SLC39A11: variants seen among roughly 807,000 people sequenced by gnomAD.
The protein encoded by SLC39A11 is solute carrier family 39 member 11.
In SLC39A11, 33 loss-of-function variants were observed where a neutral mutation model predicts 36.1. The observed-to-expected ratio is 0.91, with a 90% CI of 0.69 to 1.22. The LOEUF (loss-of-function observed/expected upper bound fraction) is 1.22. SLC39A11 is among the 50% of genes most tolerant of loss of function. The pLI is 0.00. For synonymous variants in SLC39A11, 166 were observed against 170.3 expected (o/e 0.97, Z 0.20); for missense variants, 432 against 430.3 (o/e 1.00, Z -0.03).
At chr17:72,745,024 T>G (rs1020620740) in intron 6 of SLC39A11, among the ~76,000 whole-genome samples, 15 of 152,184 alleles carry the variant, frequency 9.9e-5, no homozygotes, top group African/African-American at 3.4e-4. Context: ...GTATTTCTAG[T>G]AGAGATGGGG....
chr17:72,767,948 G>A (rs1225580345), intron 6 of SLC39A11, among the ~76,000 whole-genome samples: 3 of 148,978 alleles, frequency 2.0e-5, no homozygotes, highest in African/African-American at 4.9e-5. Flanking sequence ...AAGCTCCTAG[G>A]TTATGCGTTT....
intron 6 of SLC39A11, among the ~76,000 whole-genome samples, chr17:72,747,463 C>T (rs538175478): frequency 6.6e-6 from 1 of 152,314 alleles, no homozygotes; most frequent in African/African-American, 2.4e-5. Context: ...AGGACAAGCT[C>T]GGCTTTGATT....
chr17:72,786,566 G>C (rs915667999), intron 6 of SLC39A11, among the ~76,000 whole-genome samples: 3 of 152,136 alleles, frequency 2.0e-5, no homozygotes, highest in Non-Finnish European at 4.4e-5. Flanking sequence ...ATATCTGGAT[G>C]GCTGATGGAT....
intron 3 of SLC39A11, among the ~76,000 whole-genome samples, chr17:73,083,057 G>C (rs1264547016): frequency 6.8e-6 from 1 of 146,316 alleles, no homozygotes; most frequent in Non-Finnish European, 1.5e-5. Context: ...CCAGTGATTA[G>C]AGACAAGGCC....
chr17:73,081,672 T>TATATGTATATATGTATGTAG (rs2060526699), intron 3 of SLC39A11, among the ~76,000 whole-genome samples: 2 of 135,698 alleles, frequency 1.5e-5, no homozygotes, highest in Non-Finnish European at 3.2e-5. Context: ...CACACACACA[T>TATATGTATATATGTATGTAG]ATATATACAC....
chr17:72,679,194 T>G (rs957683656), intron 7 of SLC39A11, among the ~76,000 whole-genome samples: 1 of 152,164 alleles, frequency 6.6e-6, no homozygotes, highest in African/African-American at 2.4e-5. Context: ...AGGATCACAT[T>G]CTAGTATTTG....
chr17:72,959,104 G>A (rs1337782535), intron 4 of SLC39A11, among the ~76,000 whole-genome samples: 2 of 151,698 alleles, frequency 1.3e-5, no homozygotes, highest in Non-Finnish European at 2.9e-5. Flanking sequence ...GGAAAATAGT[G>A]TGGGGATTCC....
intron 6 of SLC39A11, among the ~76,000 whole-genome samples, chr17:72,742,581 T>C (rs2074761943): frequency 6.6e-6 from 1 of 152,170 alleles, no homozygotes; most frequent in African/African-American, 2.4e-5. Flanking sequence ...TAGACAGGCG[T>C]ATCCCTCCCT....
chr17:72,945,519 G>A (rs1325663670), intron 5 of SLC39A11, among the ~76,000 whole-genome samples: 1 of 152,216 alleles, frequency 6.6e-6, no homozygotes, highest in Non-Finnish European at 1.5e-5. Flanking sequence ...GGAGTCCTCA[G>A]GTGCCTGACA....
At chr17:73,046,422 G>A (rs762471561) in intron 3 of SLC39A11, among the ~76,000 whole-genome samples, 2 of 152,142 alleles carry the variant, frequency 1.3e-5, no homozygotes, top group Admixed American at 1.3e-4. Flanking sequence ...TGATGGGGCA[G>A]AATCCCAAAG....
chr17:72,692,234 A>G (rs1018498680), intron 7 of SLC39A11, among the ~76,000 whole-genome samples: 4 of 152,042 alleles, frequency 2.6e-5, no homozygotes, highest in Non-Finnish European at 5.9e-5. Flanking sequence ...GATGGTCTCG[A>G]TCTCCTGACC....
intron 7 of SLC39A11, among the ~76,000 whole-genome samples, chr17:72,680,041 CAAAAAAAAAAAAAAAAAAAA>C (rs199650969): frequency 1.4e-5 from 1 of 71,662 alleles, no homozygotes; most frequent in Non-Finnish European, 2.5e-5. Context: ...GACTCTGTCT[CAAAAAAAAAAAAAAAAAAAA>C]AAAAAAAAAG....
At chr17:72,969,853 C>G (rs1361192171) in intron 4 of SLC39A11, among the ~76,000 whole-genome samples, 1 of 152,166 alleles carries the variant, frequency 6.6e-6, no homozygotes, top group Non-Finnish European at 1.5e-5. Context: ...GAAGGTTCAT[C>G]CCAGAATATA....
At chr17:72,770,358 T>C (rs1334010926) in intron 6 of SLC39A11, among the ~76,000 whole-genome samples, 2 of 152,128 alleles carry the variant, frequency 1.3e-5, no homozygotes, top group Non-Finnish European at 2.9e-5. Flanking sequence ...GAGTTTCAGT[T>C]TGGGAAGATA....
rs577295343 is a variant in SLC39A11 at position 73,085,026 on chromosome 17, T to C, written c.109-180A>G. On this transcript the variant is annotated intron_variant, in intron 2 of 9. Coordinates refer to ENST00000255559, the MANE Select transcript of SLC39A11 (RefSeq NM_139177.4). ...ACCACGGGGAAAGTCTTTGGTTAAC[T>C]TTCCACCCACCCCATAGCCAATCAG... Among the ~76,000 whole-genome samples, 1,227 of 152,280 alleles carry C rather than the reference T, an allele frequency of 8.1e-3. 19 individuals carry two copies. Among genetic ancestry groups the C allele is most frequent in the South Asian group, 0.056 (271 of 4,822 alleles).
intron 9 of SLC39A11, among the ~76,000 whole-genome samples, chr17:72,647,923 G>A (rs894911514): frequency 6.6e-6 from 1 of 152,150 alleles, no homozygotes. Context: ...CTTGCCCAAG[G>A]TCACCTATGA....
chr17:73,075,814 C>T (rs775540644), intron 3 of SLC39A11, among the ~76,000 whole-genome samples: 15 of 151,902 alleles, frequency 9.9e-5, no homozygotes, highest in African/African-American at 1.5e-4. Flanking sequence ...CATCACGCCA[C>T]TGTACTCTAG....
intron 6 of SLC39A11, among the ~76,000 whole-genome samples, chr17:72,798,541 G>A (rs1475501137): frequency 6.6e-6 from 1 of 151,148 alleles, no homozygotes; most frequent in Non-Finnish European, 1.5e-5. Flanking sequence ...AGCCTCCCGA[G>A]TAGCTGGGAT....
At chr17:72,882,076 G>A (rs148692172) in intron 5 of SLC39A11, among the ~76,000 whole-genome samples, 9 of 152,262 alleles carry the variant, frequency 5.9e-5, no homozygotes, top group East Asian at 3.9e-4. Context: ...CGGCCGGGCC[G>A]GTGTGGTGGC....
Sources: allele counts gnomAD v4.1 joint callset (sites outside exome capture counted in the v4.1 genomes callset), GRCh38; gene constraint gnomAD v4.1.1; transcripts MANE v1.5; gene names NCBI Gene and HGNC (gene_info 2026-07-23, HGNC 2026-07-21).